Variants in SLC16A14 observed in about 807,000 individuals in gnomAD.
The protein encoded by SLC16A14 is monocarboxylate transporter 14.
Under a neutral mutation model 35.8 loss-of-function variants are expected in SLC16A14, and 14 were observed. The observed-to-expected ratio is 0.39, with a 90% CI of 0.26 to 0.61. SLC16A14 has a LOEUF of 0.61. Ranked by LOEUF, SLC16A14 falls within the 20% of genes least tolerant of loss-of-function variation. The probability of loss-of-function intolerance (pLI) is 0.51; values close to 1 mark genes in which losing one functional copy is unlikely to be tolerated. For synonymous variants in SLC16A14, 248 were observed against 258.9 expected (o/e 0.96, Z 0.40); for missense variants, 533 against 655.0 (o/e 0.81, Z 2.03).
intron 1 of SLC16A14, among the ~76,000 whole-genome samples, chr2:230,064,096 CAAA>C (rs547480511): frequency 4.1e-5 from 4 of 97,516 alleles, no homozygotes; most frequent in Admixed American, 1.1e-4. Context: ...GACCCTGTCT[CAAA>C]AAAAAAAAAA....
intron 4 of SLC16A14, 63 bp downstream of exon 4, chr2:230,045,682 C>CT: frequency 6.3e-7 from 1 of 1,575,774 alleles, no homozygotes; most frequent in Non-Finnish European, 8.7e-7. Flanking sequence ...TTATCTGGGA[C>CT]TTTATAACAT....
chr2:230,042,101 G>A (rs2077565404), intron 4 of SLC16A14, among the ~76,000 whole-genome samples: 1 of 152,214 alleles, frequency 6.6e-6, no homozygotes, highest in Non-Finnish European at 1.5e-5. Flanking sequence ...GCCTAGACAG[G>A]CACATCTGAA....
intron 1 of SLC16A14, among the ~76,000 whole-genome samples, chr2:230,064,479 G>T (rs570276737): frequency 6.6e-5 from 10 of 152,326 alleles, no homozygotes; most frequent in African/African-American, 2.4e-4. Context: ...AGAGGGTTCA[G>T]AAGGGATGGT....
At chr2:230,045,710 T>G in intron 4 of SLC16A14, 35 bp downstream of exon 4, 1 of 1,612,890 alleles carries the variant, frequency 6.2e-7, no homozygotes, top group Non-Finnish European at 8.5e-7. Flanking sequence ...CATATGTACA[T>G]GCACTCTGAG....
At position 230,038,493 on chromosome 2, in the gene SLC16A14, C is replaced by T. The variant is rs997399969; in HGVS notation, c.1382-962G>A. ...GTCATGGTTCCCACATAGTCAACTA[C>T]GCAAACTGAGAGGATTGAGTTACAC... On this transcript the variant is annotated intron_variant, in intron 4 of 4. Coordinates refer to ENST00000295190, the MANE Select transcript of SLC16A14 (RefSeq NM_152527.5). This position sits in a 1 kb window ranked among gnomAD's most constrained non-coding sequence, Gnocchi z 4.4. Among the ~76,000 whole-genome samples the T allele has an allele frequency of 1.2e-4, 19 of 152,170 alleles. No individual in the cohort carries two copies. The highest frequency in any genetic ancestry group is 2.5e-4 in the Non-Finnish European group (17 of 68,030).
At chr2:230,044,716 GTGTGTGTGTGTGTGTGTGTGTA>G (rs1338456933) in intron 4 of SLC16A14, among the ~76,000 whole-genome samples, 26 of 109,706 alleles carry the variant, frequency 2.4e-4, no homozygotes, top group Non-Finnish European at 4.2e-4. Flanking sequence ...GTGTGTGTGT[GTGTGTGTGTGTGTGTGTGTGTA>G]TGTGTGTGTG....
Position 230,046,657 on chromosome 2 carries a change from G to C in SLC16A14, c.469C>G (p.Arg157Gly). Residue 157 changes from arginine to glycine, a missense_variant, in exon 4 of 5, where the codon CGC (arginine) becomes GGC (glycine). Coordinates refer to ENST00000295190, the MANE Select transcript of SLC16A14 (RefSeq NM_152527.5). The surrounding 1 kb of genome is among the most constrained non-coding windows in gnomAD (Gnocchi z 5.0). The stretch of plus-strand genomic sequence containing the variant: ...GTGCTGAGGCCCTGGGCGAGGGCGC[G>C]TCTCTTCTGGAAATACCTGCCCACC... ...VMVGRYFQKR[R>G]ALAQGLSTTG... 4 of 1,605,332 alleles carry C rather than the reference G, an allele frequency of 2.5e-6. No individual in the cohort carries two copies. The highest frequency in any genetic ancestry group is 3.4e-6 in the Non-Finnish European group (4 of 1,179,992).
chr2:230,047,297 T>C (rs1224661355), intron 3 of SLC16A14, among the ~76,000 whole-genome samples: 1 of 142,902 alleles, frequency 7.0e-6, no homozygotes, highest in African/African-American at 2.5e-5. Context: ...TCAGGGAAAA[T>C]ATCTGACTTC....
chr2:230,059,515 G>A (rs1041081564), intron 1 of SLC16A14, 149 bp from the exon 2 acceptor site: 1 of 616,820 alleles, frequency 1.6e-6, no homozygotes, highest in South Asian at 2.4e-5. Context: ...ATACAGATTT[G>A]AAAACACTCC....
Position 230,035,649 on chromosome 2 carries a change from C to T in SLC16A14, c.*1731G>A, listed in dbSNP as rs1426677913. 4 of 152,114 alleles carry T rather than the reference C, an allele frequency of 2.6e-5. No individual in the cohort carries two copies. The highest frequency in any genetic ancestry group is 4.8e-5 in the African/African-American group (2 of 41,426). 9.4% of individuals were successfully genotyped at this position (152,114 alleles called of 1,614,324 possible). ...TAACACATAGGTTGTTGTGTTGAAC[C>T]AAATGGAGTATGACATGCAATCTAT... On this transcript the variant is annotated 3_prime_UTR_variant, in exon 5 of 5. Coordinates refer to ENST00000295190, the MANE Select transcript of SLC16A14 (RefSeq NM_152527.5).
intron 1 of SLC16A14, among the ~76,000 whole-genome samples, chr2:230,060,498 A>G (rs2077743182): frequency 6.7e-6 from 1 of 149,050 alleles, no homozygotes; most frequent in Admixed American, 6.7e-5. Flanking sequence ...ACATGCCACC[A>G]TGCCTAGCTA....
chr2:230,044,935 G>C (rs1273610858), intron 4 of SLC16A14, among the ~76,000 whole-genome samples: 1 of 152,102 alleles, frequency 6.6e-6, no homozygotes, highest in Admixed American at 6.6e-5. Flanking sequence ...CGCAACAATA[G>C]GAAGCGAATG....
intron 3 of SLC16A14, among the ~76,000 whole-genome samples, chr2:230,049,439 C>T (rs2077638626): frequency 1.3e-5 from 2 of 152,124 alleles, no homozygotes; most frequent in South Asian, 2.1e-4. Context: ...TTGGTCCATT[C>T]ACCTAAGTCA....
chr2:230,056,502 C>T (rs553902192), intron 2 of SLC16A14, among the ~76,000 whole-genome samples: 20 of 152,028 alleles, frequency 1.3e-4, no homozygotes, highest in South Asian at 2.1e-4. Context: ...GTGATCCGCT[C>T]GCCTCAGCCT....
At chr2:230,064,208 G>A (rs1353762742) in intron 1 of SLC16A14, among the ~76,000 whole-genome samples, 1 of 152,092 alleles carries the variant, frequency 6.6e-6, no homozygotes, top group Non-Finnish European at 1.5e-5. Flanking sequence ...GTAAATTAGT[G>A]GCTGACTTGT....
At chr2:230,061,534 T>C (rs1209256247) in intron 1 of SLC16A14, among the ~76,000 whole-genome samples, 3 of 152,152 alleles carry the variant, frequency 2.0e-5, no homozygotes, top group Non-Finnish European at 2.9e-5. Flanking sequence ...CTCAGAACAC[T>C]CTAGGTGAAC....
rs2077612708 is a variant in SLC16A14 at position 230,046,813 on chromosome 2, A to C, written c.404-91T>G. ...AGCAAAGATCACCTGCATTTCCTTA[A>C]TTAGCATCTATTTATGCTTTTTATT... On this transcript the variant is annotated intron_variant, in intron 3 of 4. Coordinates refer to ENST00000295190, the MANE Select transcript of SLC16A14 (RefSeq NM_152527.5). This position sits in a 1 kb window ranked among gnomAD's most constrained non-coding sequence, Gnocchi z 5.0. 2 of 1,364,472 alleles carry C rather than the reference A, an allele frequency of 1.5e-6. No individual in the cohort carries two copies. The highest frequency in any genetic ancestry group is 9.8e-7 in the Non-Finnish European group (1 of 1,020,170). 84.5% of individuals were successfully genotyped at this position (1,364,472 alleles called of 1,614,324 possible). A position where few individuals can be genotyped will look rare whatever the true frequency, so the allele number is the denominator to read the frequency against.
rs770116271 is a variant in SLC16A14 at position 230,059,210 on chromosome 2, A to G, written c.143T>C (p.Met48Thr). ...LSSFFVHILI[M>T]GSQMALGVLN... Reference sequence around the variant, plus strand: ...GACACCCAGGGCCATCTGGGAGCCCATGATGAGGATGTGCACAAAGAAAGA... The same window carrying G: ...GACACCCAGGGCCATCTGGGAGCCCGTGATGAGGATGTGCACAAAGAAAGA... The change falls in exon 2 of 5, where the codon ATG (methionine) becomes ACG (threonine). Residue 48 changes from methionine to threonine, a missense_variant. Met to Thr is a moderately conservative substitution (Grantham distance 81). Coordinates refer to ENST00000295190, the MANE Select transcript of SLC16A14 (RefSeq NM_152527.5). 8 of 1,614,226 alleles carry G rather than the reference A, an allele frequency of 5.0e-6. No homozygotes were observed. The highest frequency in any genetic ancestry group is 6.8e-6 in the Non-Finnish European group (8 of 1,180,032).
At chr2:230,067,032 T>A (rs144396917) in intron 1 of SLC16A14, 146 of 176,650 alleles carry the variant, frequency 8.3e-4, no homozygotes, top group African/African-American at 3.1e-3. Flanking sequence ...ATTACAGTCT[T>A]CCCCAAAGCT....
Sources: allele counts gnomAD v4.1 joint callset (sites outside exome capture counted in the v4.1 genomes callset), GRCh38; gene constraint gnomAD v4.1.1; non-coding constraint Gnocchi (gnomAD v3.1); transcripts MANE v1.5; gene names NCBI Gene and HGNC (gene_info 2026-07-23, HGNC 2026-07-21).